Variants in NSMF observed in about 807,000 individuals in gnomAD.
NSMF encodes NMDA receptor synaptonuclear signaling and neuronal migration factor, also known as nasal embryonic LHRH factor.
Under a neutral mutation model 71.0 loss-of-function variants are expected in NSMF, and 31 were observed. The observed-to-expected ratio is 0.44, with a 90% CI of 0.33 to 0.59. The LOEUF is 0.59. Ranked by LOEUF, NSMF falls within the 20% of genes least tolerant of loss-of-function variation. The probability of loss-of-function intolerance (pLI) is 0.04; values close to 1 mark genes in which losing one functional copy is unlikely to be tolerated. For synonymous variants in NSMF, 345 were observed against 287.1 expected (o/e 1.20, Z -2.04); for missense variants, 673 against 740.5 (o/e 0.91, Z 1.06).
chr9:137,459,201 C>G lies in NSMF; in HGVS notation c.-99G>C, dbSNP rs1393413029. The G allele has an allele frequency of 1.7e-5, 16 of 918,280 alleles. No individual in the cohort carries two copies. Among genetic ancestry groups the G allele is most frequent in the Non-Finnish European group, 2.0e-5 (15 of 744,394 alleles). The allele number at this position is 918,280 out of a possible 1,614,324, so 56.9% of individuals were successfully genotyped here. A position where few individuals can be genotyped will look rare whatever the true frequency, so the allele number is the denominator to read the frequency against. On this transcript the variant is annotated 5_prime_UTR_variant, in exon 1 of 16. Coordinates refer to ENST00000371475, the MANE Select transcript of NSMF (RefSeq NM_001130969.3). ...CCGCACCGGGGGTCGCGCTCGGGCT[C>G]GGGCTCGGGGTCTCGCTCGGGCTCC...
rs1839807122 is a variant in NSMF at position 137,449,654 on chromosome 9, G to A, written c.1440C>T (p.Thr480=). ...NGEKLFQNLR[T]LMTPYRVTFE... ...AGGTGACCCTATAAGGAGTCATGAGGGTCCTGAGGTTCTGGAACAGCTGGA... is the reference window on the plus strand; with the variant it reads ...AGGTGACCCTATAAGGAGTCATGAGAGTCCTGAGGTTCTGGAACAGCTGGA... Residue 480 remains threonine (T), a synonymous_variant, in exon 15 of 16, where the codon ACC becomes ACT. Coordinates refer to ENST00000371475, the MANE Select transcript of NSMF (RefSeq NM_001130969.3). 4 of 1,612,698 alleles carry A rather than the reference G, an allele frequency of 2.5e-6. No homozygotes were observed. Among genetic ancestry groups the A allele is most frequent in the South Asian group, 1.1e-5 (1 of 90,950 alleles).
Position 137,453,883 on chromosome 9 carries a change from C to A in NSMF, c.833-63G>T. On this transcript the variant is annotated intron_variant, in intron 7 of 15. Transcript: ENST00000371475. This position sits in a 1 kb window ranked among gnomAD's most constrained non-coding sequence, Gnocchi z 4.5. ...GCGGGGCCTCGGGAGTCTCAGACCC[C>A]AGGCGAGGGGACCACAGGGGCCCTG... The A allele has an allele frequency of 7.1e-7, 1 of 1,410,820 alleles. No homozygotes were observed. The highest frequency in any genetic ancestry group is 9.7e-7 in the Non-Finnish European group (1 of 1,034,040). 87.4% of individuals were successfully genotyped at this position (1,410,820 alleles called of 1,614,324 possible). A position where few individuals can be genotyped will look rare whatever the true frequency, so the allele number is the denominator to read the frequency against.
intron 6 of NSMF, 179 bp from the exon 7 acceptor site, chr9:137,454,622 G>A (rs1830739490): frequency 2.6e-6 from 4 of 1,539,694 alleles, no homozygotes; most frequent in Admixed American, 2.0e-5. Context: ...TGCTCTTCCC[G>A]CGACAGCCTT....
chr9:137,458,466 G>T (rs1358927634), intron 2 of NSMF, 22 bp downstream of exon 2: 1 of 1,564,014 alleles, frequency 6.4e-7, no homozygotes. Flanking sequence ...GGCGGCCCTG[G>T]CACGGCCTCG....
rs1298680331 is a variant in NSMF, at chr9:137,449,036, G to A, written c.*358C>T. 2.4e-6 allele frequency: 1 copy of A among 415,144 alleles called. No individual in the cohort carries two copies. The highest frequency in any genetic ancestry group is 4.5e-6 in the Non-Finnish European group (1 of 220,404). 25.7% of individuals were successfully genotyped at this position (415,144 alleles called of 1,614,324 possible). A position where few individuals can be genotyped will look rare whatever the true frequency, so the allele number is the denominator to read the frequency against. ...AGTGCTTAACTAGTTAACAAGAAATGCTGCTTCCCTTTGAATTGTTTCGGG... is the reference window on the plus strand; with the variant it reads ...AGTGCTTAACTAGTTAACAAGAAATACTGCTTCCCTTTGAATTGTTTCGGG... On this transcript the variant is annotated 3_prime_UTR_variant, in exon 16 of 16. Transcript: ENST00000371475.
chr9:137,454,762 C>A, intron 6 of NSMF: 2 of 1,428,934 alleles, frequency 1.4e-6, no homozygotes, highest in Non-Finnish European at 1.8e-6. Context: ...AGCCTCCACG[C>A]CCATGTGGCA....
Position 137,452,548 on chromosome 9 carries a change from C to A in NSMF, c.1165+5G>T, listed in dbSNP as rs758733973. ...CAGCAGAGAGAAGGCCAATGAGGCA[C>A]ATACCAAGGATGTCCTCGAAGGTTG... On this transcript the variant is annotated splice_donor_5th_base_variant and intron_variant, in intron 11 of 15. Coordinates refer to ENST00000371475, the MANE Select transcript of NSMF (RefSeq NM_001130969.3). 6.2e-7 allele frequency: 1 copy of A among 1,612,664 alleles called. No individual in the cohort carries two copies. The highest frequency in any genetic ancestry group is 1.1e-5 in the South Asian group (1 of 91,076).
At position 137,457,667 on chromosome 9, in the gene NSMF, ACCGCCAGCTCAATGGCCT is replaced by A. The variant is rs1830909057; in HGVS notation, c.350_367del (p.Glu117_Ala122del). On this transcript the variant is annotated inframe_deletion, in exon 3 of 16. Transcript: ENST00000371475. ...GTGCCGCTGCCGCCGCCCCTTCACC[ACCGCCAGCTCAATGGCCT>A]CCGCCTCAGGGCTGGGCAGCAGGGC... 7.7e-6 allele frequency: 12 copies of A among 1,550,190 alleles called. No homozygotes were observed. The highest frequency in any genetic ancestry group is 1.0e-5 in the Non-Finnish European group (12 of 1,146,884).
intron 14 of NSMF, 43 bp from the exon 15 acceptor site, chr9:137,449,717 G>A (rs774933415): frequency 3.2e-6 from 5 of 1,559,940 alleles, no homozygotes; most frequent in Non-Finnish European, 3.5e-6. Flanking sequence ...AGAGAGATGG[G>A]GAAGGAGGAG....
At chr9:137,457,221 G>A (rs1205519609) in intron 3 of NSMF, among the ~76,000 whole-genome samples, 186 bp downstream of exon 3, 2 of 152,170 alleles carry the variant, frequency 1.3e-5, no homozygotes, top group African/African-American at 4.8e-5. Context: ...AGGAGCTGAG[G>A]GAGCTCACAG....
In NSMF at chr9:137,452,413, G is replaced by C. The variant is rs561299452; in HGVS notation, c.1188C>G (p.Asn396Lys). 3.1e-6 allele frequency: 5 copies of C among 1,612,458 alleles called. No individual in the cohort carries two copies. In the Admixed American group the frequency reaches 6.7e-5, roughly 22 times the overall value. ...DILEEIERKL[N>K]VYHKGAKIWK... ...AGATCTTGGCTCCCTTGTGGTAGAC[G>C]TTCAGCTTCCTCTCTATCTCCTCTG... The change falls in exon 12 of 16, where the codon AAC becomes AAG. Residue 396 changes from asparagine to lysine, a missense_variant. By Grantham distance (94) the Asn-to-Lys change is moderately conservative. Around this residue, in one of 2 missense-constraint regions of NSMF, gnomAD observed 202 missense variants for 280.8 expected, o/e 0.72. Coordinates refer to ENST00000371475, the MANE Select transcript of NSMF (RefSeq NM_001130969.3).
intron 6 of NSMF, 96 bp from the exon 7 acceptor site, chr9:137,454,539 C>G (rs1368391760): frequency 1.9e-6 from 3 of 1,549,270 alleles, no homozygotes; most frequent in South Asian, 2.4e-5. Context: ...TACTCTCACC[C>G]CTTCGGTGTG....
intron 6 of NSMF, 170 bp downstream of exon 6, chr9:137,455,069 C>T (rs756935916): frequency 2.3e-5 from 18 of 790,102 alleles, no homozygotes; most frequent in Non-Finnish European, 1.8e-5. Context: ...AGATGCTTTC[C>T]TGCAGCCCGG....
chr9:137,450,496 C>T (rs1441554681), intron 12 of NSMF, among the ~76,000 whole-genome samples: 2 of 39,996 alleles, frequency 5.0e-5, no homozygotes, highest in Non-Finnish European at 8.8e-5. Context: ...TCCCTTTGAT[C>T]TCCCCCACCA....
At chr9:137,455,463 C>T in intron 5 of NSMF, 156 bp from the exon 6 acceptor site, 1 of 1,139,728 alleles carries the variant, frequency 8.8e-7, no homozygotes, top group Non-Finnish European at 1.3e-6. Context: ...GGCCCAGCTC[C>T]CAGCAGGCCC....
intron 14 of NSMF, 72 bp downstream of exon 14, chr9:137,449,851 G>T (rs1182748907): frequency 2.1e-6 from 3 of 1,410,686 alleles, no homozygotes; most frequent in African/African-American, 1.4e-5. Flanking sequence ...CAGGAAACAT[G>T]GAAGGCTCTG....
chr9:137,450,119 C>T, intron 13 of NSMF, 57 bp downstream of exon 13: 2 of 1,588,488 alleles, frequency 1.3e-6, no homozygotes, highest in South Asian at 2.2e-5. Context: ...GAGGGACATG[C>T]CAGGGCCTGG....
rs2131976926 is a variant in NSMF at position 137,452,782 on chromosome 9, G to T, written c.1085C>A (p.Pro362His). The stretch of plus-strand genomic sequence containing the variant: ...GGGGTCATCCCGGCGGATGATAGTG[G>T]GGATGTACTCAGCCTTGGGCACCTT... ...SSKVPKAEYI[P>H]TIIRRDDPSI... Residue 362 changes from proline (P) to histidine (H), a missense_variant, in exon 10 of 16, where the codon CCC (proline) becomes CAC (histidine). Pro to His is a moderately conservative substitution (Grantham distance 77). Around this residue, in one of 2 missense-constraint regions of NSMF, gnomAD observed 202 missense variants for 280.8 expected, o/e 0.72. Coordinates refer to ENST00000371475, the MANE Select transcript of NSMF (RefSeq NM_001130969.3). 6.2e-7 allele frequency: 1 copy of T among 1,607,090 alleles called. No individual in the cohort carries two copies. Among genetic ancestry groups the T allele is most frequent in the East Asian group, 2.2e-5 (1 of 44,626 alleles).
rs527342071 is a variant in NSMF at position 137,454,668 on chromosome 9, G to C, written c.780-225C>G. ...CCTTCAACTCCAGAACAAAGGTGCA[G>C]TGCCTGGCGCTCTGGATCAAGTCTC... On this transcript the variant is annotated intron_variant, in intron 6 of 15. Coordinates refer to ENST00000371475, the MANE Select transcript of NSMF (RefSeq NM_001130969.3). 5 of 1,528,328 alleles carry C rather than the reference G, an allele frequency of 3.3e-6. No homozygotes were observed. The Admixed American group carries it at 7.9e-5, about 24-fold the overall frequency. 94.7% of individuals were successfully genotyped at this position (1,528,328 alleles called of 1,614,324 possible). A position where few individuals can be genotyped will look rare whatever the true frequency, so the allele number is the denominator to read the frequency against.
Sources: gnomAD v4.1 joint callset for allele counts (sites outside exome capture counted in the v4.1 genomes callset) on GRCh38, gnomAD v4.1.1 for gene constraint, gnomAD v4.1.1 regional missense constraint, Gnocchi (gnomAD v3.1) non-coding constraint, MANE v1.5 for transcripts, NCBI Gene and HGNC (gene_info 2026-07-23, HGNC 2026-07-21) for gene names.